The following IMMP2L variants were observed in gnomAD, a reference collection of about 807,000 sequenced individuals.
The protein encoded by IMMP2L is inner mitochondrial membrane peptidase subunit 2, also known as mitochondrial inner membrane protease subunit 2.
IMMP2L carries 18 observed loss-of-function variants against 19.3 expected under a neutral mutation model. The observed-to-expected ratio is 0.93, with a 90% confidence interval of 0.64 to 1.38. The LOEUF (loss-of-function observed/expected upper bound fraction) is 1.38. Ranked by LOEUF, IMMP2L falls within the 40% of genes most tolerant of loss-of-function variation. The pLI is 0.00. For missense variants in IMMP2L, 233 were observed against 218.2 expected (o/e 1.07, Z -0.43); for synonymous variants, 76 against 73.0 (o/e 1.04, Z -0.21).
intron 3 of IMMP2L, among the ~76,000 whole-genome samples, chr7:111,281,718 G>C (rs950372541): frequency 3.3e-5 from 5 of 151,982 alleles, no homozygotes; most frequent in Non-Finnish European, 7.4e-5. Context: ...TATATAAATG[G>C]GGGTACTCTG....
chr7:111,119,730 G>A (rs1443977416), intron 3 of IMMP2L, among the ~76,000 whole-genome samples: 3 of 152,104 alleles, frequency 2.0e-5, no homozygotes, highest in Non-Finnish European at 4.4e-5. Context: ...AACATTTCTT[G>A]AGCACATACT....
At chr7:111,539,043 C>G (rs972121790) in intron 1 of IMMP2L, among the ~76,000 whole-genome samples, 1 of 149,418 alleles carries the variant, frequency 6.7e-6, no homozygotes, top group Non-Finnish European at 1.5e-5. Context: ...TTGCTTGAAC[C>G]TGAGAGACGG....
In IMMP2L at chr7:110,877,994, T is replaced by A. The variant is rs556349037; in HGVS notation, c.408+8599A>T. On this transcript the variant is annotated intron_variant, in intron 5 of 5. Transcript: ENST00000405709. The surrounding 1 kb of genome is among the most constrained non-coding windows in gnomAD (Gnocchi z 4.0). ...TTGATCACAGGCAGGATTTCAGCCATCTAAGCACTTAGCTTAGAAGTGCCT... is the reference window on the plus strand; with the variant it reads ...TTGATCACAGGCAGGATTTCAGCCAACTAAGCACTTAGCTTAGAAGTGCCT... 6.6e-6 allele frequency among the ~76,000 whole-genome samples: 1 copy of A among 152,132 alleles called. No homozygotes were observed.
chr7:110,672,205 A>G (rs1242480117), intron 5 of IMMP2L, among the ~76,000 whole-genome samples: 1 of 152,036 alleles, frequency 6.6e-6, no homozygotes, highest in African/African-American at 2.4e-5. Context: ...CCTTCTTCAC[A>G]TGGTGGCAGC....
chr7:110,818,332 A>T (rs1802721249), intron 5 of IMMP2L, among the ~76,000 whole-genome samples: 1 of 152,226 alleles, frequency 6.6e-6, no homozygotes, highest in Admixed American at 6.5e-5. Context: ...TCAAAAGAAG[A>T]CATTTATGCA....
intron 3 of IMMP2L, among the ~76,000 whole-genome samples, chr7:111,038,716 G>A (rs75558574): frequency 0.14 from 20,694 of 152,112 alleles, 1,501 homozygotes; most frequent in South Asian, 0.26. Context: ...ATGGAGAAGA[G>A]TACCATTTTC....
At chr7:110,851,331 T>C (rs1322828447) in intron 5 of IMMP2L, among the ~76,000 whole-genome samples, 2 of 152,148 alleles carry the variant, frequency 1.3e-5, no homozygotes, top group East Asian at 1.9e-4. Context: ...CCACTTCATA[T>C]TTATTAAGTC....
At chr7:111,430,810 T>C (rs1033019886) in intron 3 of IMMP2L, among the ~76,000 whole-genome samples, 1 of 151,730 alleles carries the variant, frequency 6.6e-6, no homozygotes, top group South Asian at 2.1e-4. Context: ...AAAGACACTA[T>C]TAAAGTTAAA....
intron 4 of IMMP2L, among the ~76,000 whole-genome samples, chr7:110,941,877 T>C (rs1053840069): frequency 6.0e-5 from 9 of 150,802 alleles, no homozygotes; most frequent in East Asian, 3.9e-4. Context: ...TTTTTTGTTC[T>C]TCCTCCACAG....
intron 3 of IMMP2L, among the ~76,000 whole-genome samples, chr7:111,059,147 T>A (rs1422539183): frequency 6.6e-6 from 1 of 152,008 alleles, no homozygotes; most frequent in Non-Finnish European, 1.5e-5. Flanking sequence ...CACATCCAGC[T>A]AATTTTTTAT....
intron 2 of IMMP2L, among the ~76,000 whole-genome samples, chr7:111,490,719 A>G (rs1465112193): frequency 6.6e-6 from 1 of 152,116 alleles, no homozygotes; most frequent in Admixed American, 6.5e-5. Flanking sequence ...TATGCCACTC[A>G]TTACTAGGAA....
chr7:111,251,824 A>T (rs1816162986), intron 3 of IMMP2L, among the ~76,000 whole-genome samples: 1 of 152,074 alleles, frequency 6.6e-6, no homozygotes, highest in Non-Finnish European at 1.5e-5. Context: ...TTATCTGTGC[A>T]GCAAACCATC....
chr7:111,178,522 T>C (rs772483575), intron 3 of IMMP2L, among the ~76,000 whole-genome samples: 5 of 152,088 alleles, frequency 3.3e-5, no homozygotes, highest in African/African-American at 9.7e-5. Flanking sequence ...TGATGCTGTT[T>C]GATAGCATTT....
chr7:110,858,834 G>A lies in IMMP2L; in HGVS notation c.408+27759C>T, dbSNP rs977255958. On this transcript the variant is annotated intron_variant, in intron 5 of 5. Transcript: ENST00000405709. ...TGTTCTCATTCTTCAATTCCCACCT[G>A]TGAGTGAGAACATGCGGTGTTTGGT... is the stretch of plus-strand genomic sequence containing the variant. 2.6e-5 allele frequency among the ~76,000 whole-genome samples: 4 copies of A among 151,482 alleles called. 1 individual carries two copies. Among genetic ancestry groups the A allele is most frequent in the African/African-American group, 9.7e-5 (4 of 41,216 alleles).
intron 3 of IMMP2L, among the ~76,000 whole-genome samples, chr7:111,399,436 A>G (rs1584951705): frequency 1.3e-5 from 2 of 152,174 alleles, no homozygotes; most frequent in South Asian, 2.1e-4. Context: ...ATCTCAGCTC[A>G]CTGCAACCTC....
At chr7:111,326,923 G>A (rs1258579366) in intron 3 of IMMP2L, among the ~76,000 whole-genome samples, 1 of 151,826 alleles carries the variant, frequency 6.6e-6, no homozygotes, top group African/African-American at 2.4e-5. Context: ...CATGTTCACT[G>A]CAGCACTATT....
At chr7:110,922,163 T>G (rs185537631) in intron 4 of IMMP2L, among the ~76,000 whole-genome samples, 1 of 152,292 alleles carries the variant, frequency 6.6e-6, no homozygotes, top group East Asian at 1.9e-4. Context: ...AATAGAAGCA[T>G]TTAAAGAACT....
At chr7:111,502,038 A>C (rs961138842) in intron 2 of IMMP2L, among the ~76,000 whole-genome samples, 2 of 146,456 alleles carry the variant, frequency 1.4e-5, no homozygotes, top group Non-Finnish European at 3.1e-5. Context: ...AAATTGGATA[A>C]AGAGTCATAC....
intron 3 of IMMP2L, among the ~76,000 whole-genome samples, chr7:111,085,849 A>G (rs1003186232): frequency 6.6e-6 from 1 of 152,200 alleles, no homozygotes; most frequent in Non-Finnish European, 1.5e-5. Flanking sequence ...ACATGGATGC[A>G]GCTGGAGGCT....
Sources: allele counts gnomAD v4.1 joint callset (sites outside exome capture counted in the v4.1 genomes callset), GRCh38; gene constraint gnomAD v4.1.1; non-coding constraint Gnocchi (gnomAD v3.1); transcripts MANE v1.5; gene names NCBI Gene and HGNC (gene_info 2026-07-23, HGNC 2026-07-21).